Variants in GLYATL1 observed in about 807,000 individuals in gnomAD.
GLYATL1 encodes glycine N-acyltransferase-like protein 1.
Under a neutral mutation model 20.0 loss-of-function variants are expected in GLYATL1, and 15 were observed. The observed-to-expected ratio is 0.75, with a 90% CI of 0.50 to 1.15. The LOEUF (loss-of-function observed/expected upper bound fraction) is 1.15, where lower values mean the gene tolerates loss of function less well. Among genes scored for constraint, GLYATL1 ranks in the 50% most tolerant of loss-of-function variants. The pLI is 0.00. For synonymous variants in GLYATL1, 151 were observed against 131.5 expected, an observed-to-expected ratio of 1.15 and a Z score of -1.01; for missense variants, 380 against 368.5, an observed-to-expected ratio of 1.03 and a Z score of -0.26.
downstream of GLYATL1, among the ~76,000 whole-genome samples, chr11:58,910,618 C>T (rs1013021916): frequency 6.6e-6 from 1 of 151,948 alleles, no homozygotes; most frequent in Non-Finnish European, 1.5e-5. Context: ...GAGTGTAAAA[C>T]TGCCAAACTG....
chr11:58,915,763 G>A (rs1217725216), intron 1 of GLYATL1, among the ~76,000 whole-genome samples: 1 of 152,220 alleles, frequency 6.6e-6, no homozygotes, highest in Non-Finnish European at 1.5e-5. Context: ...GAGAGGCCAT[G>A]AGCAAAGCCC....
intron 1 of GLYATL1, among the ~76,000 whole-genome samples, chr11:58,914,976 T>C (rs1340590575): frequency 6.6e-6 from 1 of 152,200 alleles, no homozygotes; most frequent in African/African-American, 2.4e-5. Context: ...ACAGAGGCAG[T>C]ATGTAGGAGA....
At chr11:58,909,895 C>G (rs693371), downstream of GLYATL1, among the ~76,000 whole-genome samples, 144,025 of 152,288 alleles carry the variant, frequency 0.95, 68,614 homozygotes, top group East Asian at 1. Flanking sequence ...ATTTCTTCAA[C>G]GGCTTGTTTG....
chr11:58,922,498 G>T (rs565898630), intron 1 of GLYATL1, among the ~76,000 whole-genome samples: 4 of 152,260 alleles, frequency 2.6e-5, no homozygotes, highest in African/African-American at 9.6e-5. Flanking sequence ...ACCAGAGATG[G>T]CCTGCCTGAT....
upstream of GLYATL1, among the ~76,000 whole-genome samples, chr11:58,937,469 G>A (rs1198654138): frequency 6.6e-6 from 1 of 152,100 alleles, no homozygotes; most frequent in African/African-American, 2.4e-5. Flanking sequence ...GAGCATGAGA[G>A]TCTCATGGTG....
At chr11:58,940,440 A>G (rs1856056692) in intron 1 of GLYATL1, among the ~76,000 whole-genome samples, 1 of 152,088 alleles carries the variant, frequency 6.6e-6, no homozygotes, top group Non-Finnish European at 1.5e-5. Context: ...GTATGTCTAG[A>G]TGTGTCTTTG....
At chr11:58,945,685 G>A (rs894637683) in intron 2 of GLYATL1, among the ~76,000 whole-genome samples, 12 of 152,040 alleles carry the variant, frequency 7.9e-5, no homozygotes, top group African/African-American at 2.9e-4. Flanking sequence ...TAAATCAGGT[G>A]AGAAACAGAG....
Position 58,954,787 on chromosome 11 carries a change from G to A in GLYATL1, c.204G>A (p.Met68Ile). ...RPQKQEMTDDMDSYTNVYRMF... is the reference protein window; with the variant it reads ...RPQKQEMTDDIDSYTNVYRMF... Reference sequence around the variant, plus strand: ...CAATACAGGAGATGACTGATGACATGGATTCATACACAAACGTATATCGTA... The same window carrying A: ...CAATACAGGAGATGACTGATGACATAGATTCATACACAAACGTATATCGTA... Residue 68 changes from methionine (M) to isoleucine (I), a missense_variant, in exon 5 of 7, where the codon ATG becomes ATA. Transcript: ENST00000532726. 1 of 1,605,732 alleles carries A rather than the reference G, an allele frequency of 6.2e-7. No homozygotes were observed. Among genetic ancestry groups the A allele is most frequent in the Non-Finnish European group, 8.5e-7 (1 of 1,177,532 alleles).
downstream of GLYATL1, among the ~76,000 whole-genome samples, chr11:58,912,348 C>T (rs1263780901): frequency 6.6e-6 from 1 of 152,176 alleles, no homozygotes; most frequent in East Asian, 1.9e-4. Flanking sequence ...TAAGATTGTC[C>T]AGTCAACTGT....
intron 2 of GLYATL1, among the ~76,000 whole-genome samples, chr11:58,944,805 A>T (rs980884095): frequency 2.0e-5 from 3 of 152,018 alleles, no homozygotes; most frequent in African/African-American, 4.8e-5. Flanking sequence ...TCTTTAGTGG[A>T]CATTAAACTT....
chr11:58,955,997 T>C lies in GLYATL1; in HGVS notation c.879T>C (p.Thr293=), dbSNP rs770175591. The change falls in exon 7 of 7, where the codon ACT becomes ACC. Residue 293 remains threonine (T), a synonymous_variant. Transcript: ENST00000532726. ...FEASCEWHQW[T]CYPQNLVPF Reference sequence around the variant, plus strand: ...CCTCCTGTGAGTGGCACCAATGGACTTGCTACCCACAGAATCTAGTTCCAT... The same window carrying C: ...CCTCCTGTGAGTGGCACCAATGGACCTGCTACCCACAGAATCTAGTTCCAT... 1 of 1,612,480 alleles carries C rather than the reference T, an allele frequency of 6.2e-7. No homozygotes were observed. The highest frequency in any genetic ancestry group is 1.1e-5 in the South Asian group (1 of 91,072).
chr11:58,923,599 T>A (rs188432905), upstream of GLYATL1, among the ~76,000 whole-genome samples: 3 of 152,284 alleles, frequency 2.0e-5, no homozygotes, highest in East Asian at 5.8e-4. Context: ...ATTTTCCTTT[T>A]GATTGAGTTC....
intron 2 of GLYATL1, among the ~76,000 whole-genome samples, chr11:58,945,025 A>AAT (rs1379912611): frequency 4.7e-5 from 5 of 105,372 alleles, no homozygotes; most frequent in African/African-American, 1.4e-4. Context: ...ACATATATAA[A>AAT]ATATATATAT....
intron 2 of GLYATL1, among the ~76,000 whole-genome samples, 154 bp downstream of exon 2, chr11:58,943,820 G>A (rs1299509178): frequency 6.6e-6 from 1 of 152,292 alleles, no homozygotes; most frequent in African/African-American, 2.4e-5. Flanking sequence ...TAACTGGCCT[G>A]GATCCAGTTA....
intron 1 of GLYATL1, among the ~76,000 whole-genome samples, chr11:58,921,424 A>T (rs912206753): frequency 1.3e-5 from 2 of 151,978 alleles, no homozygotes; most frequent in African/African-American, 4.8e-5. Flanking sequence ...TCTGTCTGAG[A>T]CCTCATATTC....
exon 2 of GLYATL1, chr11:58,908,481 G>T: frequency 4.9e-6 from 1 of 205,704 alleles, no homozygotes; most frequent in South Asian, 9.9e-5. Flanking sequence ...ATTCCATGAA[G>T]ACTGAAGGGA....
Position 58,947,801 on chromosome 11 carries a change from C to G in GLYATL1, c.79-57C>G, listed in dbSNP as rs905717888. 49 of 1,168,606 alleles carry G rather than the reference C, an allele frequency of 4.2e-5. No homozygotes were observed. The South Asian group carries it at 5.8e-4, about 14-fold the overall frequency. 72.4% of individuals were successfully genotyped at this position (1,168,606 alleles called of 1,614,324 possible). On this transcript the variant is annotated intron_variant, in intron 3 of 6. Transcript: ENST00000532726. ...CCATTTTTCTCTTCCTCTTCACAAC[C>G]AGATCCTCATCTCTGGGGATCTCAA...
At chr11:58,938,062 T>C (rs1855916529), upstream of GLYATL1, among the ~76,000 whole-genome samples, 1 of 152,234 alleles carries the variant, frequency 6.6e-6, no homozygotes, top group African/African-American at 2.4e-5. Flanking sequence ...GATAATATAA[T>C]AGCTTTAAAT....
At chr11:58,925,505 A>T (rs1855406893), upstream of GLYATL1, among the ~76,000 whole-genome samples, 1 of 151,400 alleles carries the variant, frequency 6.6e-6, no homozygotes, top group Non-Finnish European at 1.5e-5. Context: ...CCTTCTTCCC[A>T]CTTTCTTTCC....
Sources: gnomAD v4.1 joint callset for allele counts (sites outside exome capture counted in the v4.1 genomes callset) on GRCh38, gnomAD v4.1.1 for gene constraint, MANE v1.5 for transcripts, NCBI Gene and HGNC (gene_info 2026-07-23, HGNC 2026-07-21) for gene names.